Variants in CACNA1E observed in about 807,000 individuals in gnomAD.
CACNA1E encodes the protein voltage-dependent R-type calcium channel subunit alpha-1E.
A neutral mutation model predicts 259.2 loss-of-function variants in CACNA1E; 40 were observed. The observed-to-expected ratio is 0.15, with a 90% CI of 0.12 to 0.20. The LOEUF is 0.20. CACNA1E is among the 10% of genes least tolerant of loss of function. CACNA1E has a pLI of 1.00. For synonymous variants in CACNA1E, 1,104 were observed against 1,138.5 expected, an observed-to-expected ratio of 0.97 and a Z score of 0.61; for missense variants, 1,874 against 3,040.1, an observed-to-expected ratio of 0.62 and a Z score of 9.02.
At chr1:181,525,631 G>GA (rs1436120732) in intron 3 of CACNA1E, among the ~76,000 whole-genome samples, 1 of 152,186 alleles carries the variant, frequency 6.6e-6, no homozygotes, top group African/African-American at 2.4e-5. Flanking sequence ...GTTTCAGAGG[G>GA]AAAACCAACC....
intron 2 of CACNA1E, among the ~76,000 whole-genome samples, chr1:181,419,303 C>T (rs1354978975): frequency 3.3e-5 from 5 of 152,204 alleles, no homozygotes; most frequent in Admixed American, 2.0e-4. Context: ...GCACTGGCTA[C>T]ACTGGTCCCT....
chr1:181,724,640 G>T (rs1654722770), intron 17 of CACNA1E, 103 bp downstream of exon 17: 1 of 891,190 alleles, frequency 1.1e-6, no homozygotes, highest in Admixed American at 2.2e-5. Context: ...ACTCAGGCCT[G>T]CCAGGAAGGC....
At chr1:181,393,211 A>C (rs1305686051) in intron 1 of CACNA1E, among the ~76,000 whole-genome samples, 1 of 152,200 alleles carries the variant, frequency 6.6e-6, no homozygotes, top group Non-Finnish European at 1.5e-5. Context: ...TGGCTCTACC[A>C]ATTACCAGTT....
intron 7 of CACNA1E, among the ~76,000 whole-genome samples, chr1:181,675,569 A>G (rs980421204): frequency 1.3e-5 from 2 of 152,242 alleles, no homozygotes; most frequent in African/African-American, 4.8e-5. Context: ...TCTAGTTGCC[A>G]TGACAACATA....
At chr1:181,441,019 A>AAAAAG in intron 2 of CACNA1E, among the ~76,000 whole-genome samples, 1 of 126,942 alleles carries the variant, frequency 7.9e-6, no homozygotes, top group Non-Finnish European at 1.6e-5. Context: ...AAAAAAAAAA[A>AAAAAG]GCGCCCAGCT....
At chr1:181,663,392 G>A (rs1242310565) in intron 7 of CACNA1E, among the ~76,000 whole-genome samples, 1 of 152,172 alleles carries the variant, frequency 6.6e-6, no homozygotes, top group Non-Finnish European at 1.5e-5. Flanking sequence ...TCTCCTGGAT[G>A]CACTATCTTC....
In CACNA1E at chr1:181,737,549, C is replaced by G; in HGVS notation, c.3447C>G (p.Ile1149Met). ...TNPIRRACHY[I>M]VNLRYFEMCI... Reference sequence around the variant, plus strand: ...GGATCCGGAGGGCCTGCCACTACATCGTGAACCTGCGCTACTTTGAGATGT... The same window carrying G: ...GGATCCGGAGGGCCTGCCACTACATGGTGAACCTGCGCTACTTTGAGATGT... Residue 1149 changes from isoleucine (I) to methionine (M), a missense_variant, in exon 23 of 48, where the codon ATC becomes ATG. Around this residue, in one of 14 missense-constraint regions of CACNA1E, gnomAD observed 56 missense variants for 97.4 expected, o/e 0.57. Coordinates refer to ENST00000367573, the MANE Select transcript of CACNA1E (RefSeq NM_001205293.3). The G allele has an allele frequency of 6.2e-7, 1 of 1,613,848 alleles. No homozygotes were observed. The highest frequency in any genetic ancestry group is 1.1e-5 in the South Asian group (1 of 91,080).
At chr1:181,710,859 C>A (rs1038955373) in intron 7 of CACNA1E, 95 bp from the exon 8 acceptor site, 2 of 877,026 alleles carry the variant, frequency 2.3e-6, no homozygotes, top group Non-Finnish European at 1.9e-6. Context: ...AATAGAGGTA[C>A]TTGCTCAGAT....
Position 181,666,758 on chromosome 1 carries a change from GTA to G in CACNA1E, c.1055+15325_1055+15326del, listed in dbSNP as rs1179340480. Among the ~76,000 whole-genome samples, 18 of 151,766 alleles carry G rather than the reference GTA, an allele frequency of 1.2e-4. 1 individual carries two copies. In the East Asian group the frequency reaches 2.9e-3, roughly 24 times the overall value. On this transcript the variant is annotated intron_variant, in intron 7 of 47. Coordinates refer to ENST00000367573, the MANE Select transcript of CACNA1E (RefSeq NM_001205293.3). ...CACGACATATATTGTGTATGTGTGT[GTA>G]TATATATGAATTTACAGTATATATA...
At position 181,468,604 on chromosome 1, in the gene CACNA1E, T is replaced by C. The variant is rs536302152; in HGVS notation, c.435-15140T>C. On this transcript the variant is annotated intron_variant, in intron 2 of 11. Coordinates refer to the CACNA1E transcript ENST00000524607. ...TGAATGAGCCAAGCCCCTTGTAGTA[T>C]AGTGGGGAGCCAAGATGTGTACACC... Among the ~76,000 whole-genome samples the C allele has an allele frequency of 1.3e-3, 191 of 152,284 alleles. 2 individuals carry two copies. Among genetic ancestry groups the C allele is most frequent in the Non-Finnish European group, 3.8e-4 (26 of 68,018 alleles).
chr1:181,730,071 C>T (rs551157631), intron 18 of CACNA1E, among the ~76,000 whole-genome samples: 16 of 152,348 alleles, frequency 1.1e-4, no homozygotes, highest in African/African-American at 3.4e-4. Context: ...CACATGTGCA[C>T]TGTGCATCTT....
At chr1:181,785,930 G>T in intron 43 of CACNA1E, 111 bp downstream of exon 43, 1 of 684,898 alleles carries the variant, frequency 1.5e-6, no homozygotes. Flanking sequence ...AATACTCTGA[G>T]CTTGAGTGAT....
At chr1:181,421,099 G>T (rs1413981038) in intron 2 of CACNA1E, among the ~76,000 whole-genome samples, 1 of 152,196 alleles carries the variant, frequency 6.6e-6, no homozygotes. Context: ...AGCCAGTGAG[G>T]ATTCACTCCA....
chr1:181,555,450 T>C (rs1648620787), intron 3 of CACNA1E, among the ~76,000 whole-genome samples: 3 of 152,364 alleles, frequency 2.0e-5, no homozygotes, highest in Middle Eastern at 3.4e-3. Context: ...CATAGAGTTC[T>C]GTTTTCTTCT....
intron 1 of CACNA1E, among the ~76,000 whole-genome samples, chr1:181,508,043 T>C (rs1036462758): frequency 1.3e-5 from 2 of 152,088 alleles, no homozygotes; most frequent in African/African-American, 2.4e-5. Context: ...TGTGTCAGGC[T>C]GCCCAGGTAT....
Position 181,776,624 on chromosome 1 carries a change from G to A in CACNA1E, c.5267+396G>A, listed in dbSNP as rs753146921. Among the ~76,000 whole-genome samples the A allele has an allele frequency of 6.6e-6, 1 of 152,242 alleles. No individual in the cohort carries two copies. The highest frequency in any genetic ancestry group is 1.5e-5 in the Non-Finnish European group (1 of 68,048). Reference sequence around the variant, plus strand: ...CATCTGGCCACCATGATCAGTGACTGTGTTTTCTCTTTCTCGTTCCTCTCA... The same window carrying A: ...CATCTGGCCACCATGATCAGTGACTATGTTTTCTCTTTCTCGTTCCTCTCA... On this transcript the variant is annotated intron_variant, in intron 38 of 47. Coordinates refer to ENST00000367573, the MANE Select transcript of CACNA1E (RefSeq NM_001205293.3). This position sits in a 1 kb window ranked among gnomAD's most constrained non-coding sequence, Gnocchi z 4.4.
intron 33 of CACNA1E, 80 bp from the exon 34 acceptor site, chr1:181,763,326 T>G: frequency 8.7e-7 from 1 of 1,151,794 alleles, no homozygotes; most frequent in Non-Finnish European, 1.2e-6. Context: ...GAATGAGGGA[T>G]AAATACACAA....
At chr1:181,727,777 G>T (rs185640973) in intron 18 of CACNA1E, among the ~76,000 whole-genome samples, 1 of 152,290 alleles carries the variant, frequency 6.6e-6, no homozygotes, top group South Asian at 2.1e-4. Flanking sequence ...GACCCCCAAG[G>T]GGGTAGAAGT....
intron 6 of CACNA1E, among the ~76,000 whole-genome samples, chr1:181,590,485 A>C (rs1431644266): frequency 6.6e-6 from 1 of 151,570 alleles, no homozygotes; most frequent in African/African-American, 2.4e-5. Flanking sequence ...GCACTGGAAT[A>C]TCTTTGATGT....
Sources: allele counts gnomAD v4.1 joint callset (sites outside exome capture counted in the v4.1 genomes callset), GRCh38; gene constraint gnomAD v4.1.1; regional missense constraint gnomAD v4.1.1; non-coding constraint Gnocchi (gnomAD v3.1); transcripts MANE v1.5; gene names NCBI Gene and HGNC (gene_info 2026-07-23, HGNC 2026-07-21).